ROCK2: variants seen among roughly 807,000 people sequenced by gnomAD.
ROCK2 encodes the protein Rho associated coiled-coil containing protein kinase 2, also known as rho-associated protein kinase 2.
Under a neutral mutation model 195.1 loss-of-function variants are expected in ROCK2, and 61 were observed. The observed-to-expected ratio is 0.31, with a 90% CI of 0.25 to 0.39. The LOEUF is 0.39. Ranked by LOEUF, ROCK2 falls within the 10% of genes least tolerant of loss-of-function variation. The probability of loss-of-function intolerance (pLI) is 1.00; values close to 1 mark genes in which losing one functional copy is unlikely to be tolerated. For synonymous variants in ROCK2, 504 were observed against 545.5 expected, an observed-to-expected ratio of 0.92 and a Z score of 1.06; for missense variants, 1,109 against 1,637.4, an observed-to-expected ratio of 0.68 and a Z score of 5.57.
At chr2:11,233,817 C>A (rs555611162) in intron 5 of ROCK2, among the ~76,000 whole-genome samples, 4 of 152,076 alleles carry the variant, frequency 2.6e-5, no homozygotes, top group Non-Finnish European at 5.9e-5. Flanking sequence ...TGAACATATA[C>A]TAGCTATCTA....
intron 4 of ROCK2, among the ~76,000 whole-genome samples, chr2:11,246,582 G>C (rs910968914): frequency 6.6e-6 from 1 of 152,008 alleles, no homozygotes; most frequent in Non-Finnish European, 1.5e-5. Flanking sequence ...TTTAAAATAT[G>C]TCAATATTTA....
intron 1 of ROCK2, among the ~76,000 whole-genome samples, chr2:11,290,737 G>A (rs1667335821): frequency 6.6e-6 from 1 of 152,072 alleles, no homozygotes. Context: ...TAATTAAAAG[G>A]GCCTAAATGA....
intron 6 of ROCK2, among the ~76,000 whole-genome samples, chr2:11,225,402 AG>A (rs143479154): frequency 0.042 from 6,447 of 152,242 alleles, 277 homozygotes; most frequent in Non-Finnish European, 0.06. Flanking sequence ...AGAAAGGTGG[AG>A]GGAAGTGATG....
At chr2:11,207,630 A>T in intron 20 of ROCK2, 96 bp downstream of exon 20, 1 of 905,940 alleles carries the variant, frequency 1.1e-6, no homozygotes, top group Non-Finnish European at 1.6e-6. Context: ...CATGGTCTAG[A>T]AAGTAAAATG....
At chr2:11,317,612 A>ATTTTTTTTT (rs1553317464) in intron 1 of ROCK2, among the ~76,000 whole-genome samples, 8 of 19,304 alleles carry the variant, frequency 4.1e-4, no homozygotes, top group South Asian at 2.7e-3. Flanking sequence ...ATATATATAT[A>ATTTTTTTTT]TTTTTTTTTT....
At chr2:11,329,351 TAG>T (rs1406656758) in intron 1 of ROCK2, among the ~76,000 whole-genome samples, 1 of 151,900 alleles carries the variant, frequency 6.6e-6, no homozygotes, top group African/African-American at 2.4e-5. Flanking sequence ...TCAAACTGAG[TAG>T]TTCTGTTTAA....
In ROCK2 at chr2:11,235,052, G is replaced by C. The variant is rs758764768; in HGVS notation, c.723+650C>G. ...CTAGGACCAACAGGGTAATACAAAG[G>C]AAACAGAACCGATCCCTCTCCATCA... On this transcript the variant is annotated intron_variant, in intron 5 of 32. Transcript: ENST00000315872. The surrounding 1 kb of genome is among the most constrained non-coding windows in gnomAD (Gnocchi z 4.2). Among the ~76,000 whole-genome samples the C allele has an allele frequency of 6.6e-6, 1 of 151,990 alleles. No homozygotes were observed. The highest frequency in any genetic ancestry group is 2.4e-5 in the African/African-American group (1 of 41,398).
At chr2:11,316,618 G>C (rs1376453938) in intron 1 of ROCK2, among the ~76,000 whole-genome samples, 1 of 152,108 alleles carries the variant, frequency 6.6e-6, no homozygotes, top group Non-Finnish European at 1.5e-5. Context: ...TCAGTTAAGA[G>C]GTAACAGGTA....
intron 3 of ROCK2, among the ~76,000 whole-genome samples, chr2:11,272,564 A>G (rs1340008024): frequency 1.3e-5 from 2 of 152,132 alleles, no homozygotes. Context: ...GCAACTGGAA[A>G]GGGTGAGGGC....
chr2:11,308,650 T>A, intron 1 of ROCK2: 1 of 1,455,952 alleles, frequency 6.9e-7, no homozygotes, highest in South Asian at 1.1e-5. Context: ...CTCCTGTGGC[T>A]TCAAGAAAAG....
chr2:11,229,078 C>T (rs943133966), intron 5 of ROCK2, among the ~76,000 whole-genome samples: 2 of 152,044 alleles, frequency 1.3e-5, no homozygotes, highest in African/African-American at 4.8e-5. Flanking sequence ...TGTGAATAAC[C>T]ACTTGCAGAA....
At chr2:11,209,256 G>A (rs933511460) in intron 18 of ROCK2, among the ~76,000 whole-genome samples, 1 of 152,144 alleles carries the variant, frequency 6.6e-6, no homozygotes, top group Non-Finnish European at 1.5e-5. Flanking sequence ...CTTAAACCCT[G>A]GGTCTAACAC....
chr2:11,212,084 T>C (rs1480288041), intron 17 of ROCK2, among the ~76,000 whole-genome samples: 1 of 151,892 alleles, frequency 6.6e-6, no homozygotes, highest in Non-Finnish European at 1.5e-5. Flanking sequence ...TTTATTTTAT[T>C]TTATTTTTAA....
intron 1 of ROCK2, among the ~76,000 whole-genome samples, chr2:11,291,527 A>G (rs1572369658): frequency 6.6e-6 from 1 of 151,054 alleles, no homozygotes; most frequent in East Asian, 2.0e-4. Context: ...CTCCAGCCTG[A>G]GCGACAGACC....
At chr2:11,306,443 C>T (rs993398128) in intron 1 of ROCK2, among the ~76,000 whole-genome samples, 3 of 152,174 alleles carry the variant, frequency 2.0e-5, no homozygotes, top group Non-Finnish European at 2.9e-5. Flanking sequence ...CACTATCCTA[C>T]AAACAATTAA....
chr2:11,211,192 T>C (rs531379251), intron 18 of ROCK2, among the ~76,000 whole-genome samples: 7 of 152,324 alleles, frequency 4.6e-5, no homozygotes, highest in Admixed American at 1.3e-4. Flanking sequence ...TTCATCATGT[T>C]AGAGATCAAA....
chr2:11,308,742 T>C (rs1371404225), intron 1 of ROCK2: 94 of 1,612,302 alleles, frequency 5.8e-5, no homozygotes, highest in Admixed American at 6.7e-5. Flanking sequence ...GCTATCTTCT[T>C]TGAATTCAAA....
At chr2:11,283,585 A>AG (rs1667089400) in intron 3 of ROCK2, among the ~76,000 whole-genome samples, 2 of 143,292 alleles carry the variant, frequency 1.4e-5, no homozygotes, top group East Asian at 4.1e-4. Context: ...AAAAAAAAAA[A>AG]GCAAGAAAGA....
At chr2:11,323,812 G>C (rs1668468765) in intron 1 of ROCK2, among the ~76,000 whole-genome samples, 1 of 152,032 alleles carries the variant, frequency 6.6e-6, no homozygotes, top group Non-Finnish European at 1.5e-5. Flanking sequence ...TGATACGTTT[G>C]TTACAACTAA....
Sources: gnomAD v4.1 joint callset for allele counts (sites outside exome capture counted in the v4.1 genomes callset) on GRCh38, gnomAD v4.1.1 for gene constraint, Gnocchi (gnomAD v3.1) non-coding constraint, MANE v1.5 for transcripts, NCBI Gene and HGNC (gene_info 2026-07-23, HGNC 2026-07-21) for gene names.